The following STAU2 variants were observed in gnomAD, a reference collection of about 807,000 sequenced individuals.
The protein encoded by STAU2 is double-stranded RNA-binding protein Staufen homolog 2.
Under a neutral mutation model 65.9 loss-of-function variants are expected in STAU2, and 20 were observed. The ratio of observed to expected loss-of-function variants is 0.30; its 90% CI spans 0.21 to 0.44. The LOEUF (loss-of-function observed/expected upper bound fraction) is 0.44, where lower values mean the gene tolerates loss of function less well. Ranked by LOEUF, STAU2 falls within the 20% of genes least tolerant of loss-of-function variation. STAU2 has a pLI of 1.00. For synonymous variants in STAU2, 232 were observed against 233.9 expected (o/e 0.99, Z 0.07); for missense variants, 558 against 683.9 (o/e 0.82, Z 2.05).
intron 1 of STAU2, among the ~76,000 whole-genome samples, chr8:73,741,713 A>G (rs1376660512): frequency 1.3e-5 from 2 of 152,030 alleles, no homozygotes; most frequent in African/African-American, 4.8e-5. Context: ...GGGTTTCACC[A>G]TGTTGGCCAG....
At chr8:73,573,048 G>A (rs1224420964) in intron 12 of STAU2, among the ~76,000 whole-genome samples, 2 of 152,216 alleles carry the variant, frequency 1.3e-5, no homozygotes, top group South Asian at 2.1e-4. Flanking sequence ...AGCAACTTCA[G>A]CAATGTCTCA....
At chr8:73,481,318 A>G (rs1313591016) in intron 13 of STAU2, among the ~76,000 whole-genome samples, 1 of 151,920 alleles carries the variant, frequency 6.6e-6, no homozygotes, top group Non-Finnish European at 1.5e-5. Flanking sequence ...AAAGCACAAC[A>G]TTGCCATTAT....
intron 6 of STAU2, among the ~76,000 whole-genome samples, chr8:73,669,795 A>T (rs944107038): frequency 2.6e-5 from 4 of 152,180 alleles, no homozygotes; most frequent in Non-Finnish European, 5.9e-5. Flanking sequence ...CCATAAGGAC[A>T]GGGATTAGTG....
At chr8:73,665,630 T>C (rs1001248436) in intron 6 of STAU2, among the ~76,000 whole-genome samples, 47 of 152,156 alleles carry the variant, frequency 3.1e-4, no homozygotes, top group African/African-American at 1.1e-3. Flanking sequence ...CCAGTCTGTA[T>C]GTTGTTTGAT....
At chr8:73,713,958 C>T (rs1391576900) in intron 3 of STAU2, among the ~76,000 whole-genome samples, 2 of 152,000 alleles carry the variant, frequency 1.3e-5, no homozygotes, top group Non-Finnish European at 2.9e-5. Context: ...GGCTGTAGTG[C>T]AAGGGCGCGA....
intron 13 of STAU2, among the ~76,000 whole-genome samples, chr8:73,448,407 C>A (rs1006695751): frequency 8.5e-5 from 13 of 152,278 alleles, no homozygotes; most frequent in Non-Finnish European, 2.9e-5. Context: ...CTCAGCCTCC[C>A]GAGTAGCTGG....
intron 4 of STAU2, among the ~76,000 whole-genome samples, chr8:73,707,058 TG>T (rs1421835437): frequency 6.6e-6 from 1 of 152,160 alleles, no homozygotes; most frequent in Non-Finnish European, 1.5e-5. Flanking sequence ...TCTTCACTCT[TG>T]GGAGAAGAAG....
intron 13 of STAU2, among the ~76,000 whole-genome samples, chr8:73,517,309 C>T (rs1391149220): frequency 6.6e-6 from 1 of 152,022 alleles, no homozygotes; most frequent in African/African-American, 2.4e-5. Flanking sequence ...TCTGTAGTCC[C>T]AGCAATTCAG....
intron 13 of STAU2, among the ~76,000 whole-genome samples, chr8:73,481,943 T>C (rs963928960): frequency 6.6e-6 from 1 of 152,158 alleles, no homozygotes; most frequent in Non-Finnish European, 1.5e-5. Flanking sequence ...GTTTCCCTAC[T>C]GTGAAGTTAG....
chr8:73,586,510 G>A (rs991435538), intron 11 of STAU2, among the ~76,000 whole-genome samples: 1 of 152,018 alleles, frequency 6.6e-6, no homozygotes, highest in African/African-American at 2.4e-5. Context: ...TGCAAATAAG[G>A]AGATGGGAGT....
At chr8:73,669,637 TTCTCTCTCTC>T (rs34037884) in intron 6 of STAU2, among the ~76,000 whole-genome samples, 13 of 141,338 alleles carry the variant, frequency 9.2e-5, no homozygotes, top group South Asian at 2.4e-4. Context: ...GAGCCTGGAA[TTCTCTCTCTC>T]TCTCTCTCTC....
At chr8:73,689,676 T>G (rs1355312305) in intron 4 of STAU2, among the ~76,000 whole-genome samples, 1 of 152,140 alleles carries the variant, frequency 6.6e-6, no homozygotes, top group Non-Finnish European at 1.5e-5. Context: ...GCATAATTGG[T>G]TTCACTCCAG....
intron 5 of STAU2, among the ~76,000 whole-genome samples, chr8:73,684,053 T>C (rs1818619605): frequency 6.6e-6 from 1 of 152,138 alleles, no homozygotes; most frequent in Admixed American, 6.6e-5. Context: ...CTACAAATTC[T>C]ATGCAATTCG....
chr8:73,741,377 G>A (rs149387513), intron 1 of STAU2, among the ~76,000 whole-genome samples: 64 of 151,576 alleles, frequency 4.2e-4, no homozygotes, highest in African/African-American at 1.5e-3. Flanking sequence ...ATTAGTATAC[G>A]TTGCTAAAGT....
chr8:73,739,486 TG>T (rs1312088811), intron 2 of STAU2, among the ~76,000 whole-genome samples: 1 of 152,172 alleles, frequency 6.6e-6, no homozygotes, highest in Non-Finnish European at 1.5e-5. Context: ...AACTTTCCCC[TG>T]GAAGCAAACG....
rs543138695 is a variant in STAU2, at chr8:73,587,669, T to A, written c.1162-4839A>T. The stretch of plus-strand genomic sequence containing the variant: ...CTCATTTTCCATAGCAGAAAGTACA[T>A]TTAATTTTTTTACTTTTATATTACT... On this transcript the variant is annotated intron_variant, in intron 11 of 14. Transcript: ENST00000524300. 3.9e-5 allele frequency among the ~76,000 whole-genome samples: 6 copies of A among 152,328 alleles called. No homozygotes were observed. The South Asian group carries it at 1.2e-3, about 32-fold the overall frequency.
chr8:73,663,366 A>G (rs1005871571), intron 6 of STAU2, among the ~76,000 whole-genome samples: 6 of 152,180 alleles, frequency 3.9e-5, no homozygotes, highest in African/African-American at 1.4e-4. Flanking sequence ...CAAGCCATAC[A>G]AAAACAGGCA....
chr8:73,536,114 T>TA (rs1207925990), intron 13 of STAU2, among the ~76,000 whole-genome samples: 2 of 152,184 alleles, frequency 1.3e-5, no homozygotes, highest in Non-Finnish European at 2.9e-5. Context: ...CAAGATGAGA[T>TA]AGATTAACTT....
intron 3 of STAU2, among the ~76,000 whole-genome samples, chr8:73,731,163 C>G (rs1319923589): frequency 6.6e-6 from 1 of 152,160 alleles, no homozygotes; most frequent in African/African-American, 2.4e-5. Context: ...CAGGTAGGGC[C>G]TGTCAAGCAT....
Sources: allele counts gnomAD v4.1 joint callset (sites outside exome capture counted in the v4.1 genomes callset), GRCh38; gene constraint gnomAD v4.1.1; transcripts MANE v1.5; gene names NCBI Gene and HGNC (gene_info 2026-07-23, HGNC 2026-07-21).